Variants in SGMS1 observed in about 807,000 individuals in gnomAD.
SGMS1 encodes the protein phosphatidylcholine:ceramide cholinephosphotransferase 1.
SGMS1 carries 13 observed loss-of-function variants against 46.2 expected under a neutral mutation model. That is an observed-to-expected ratio of 0.28 (90% CI 0.18 to 0.45). The LOEUF (loss-of-function observed/expected upper bound fraction) is 0.45. SGMS1 is among the 20% of genes least tolerant of loss of function. The probability of loss-of-function intolerance (pLI) is 1.00; values close to 1 mark genes in which losing one functional copy is unlikely to be tolerated. For synonymous variants in SGMS1, 203 were observed against 187.8 expected (o/e 1.08, Z -0.66); for missense variants, 324 against 519.9 (o/e 0.62, Z 3.66).
intron 1 of SGMS1, among the ~76,000 whole-genome samples, chr10:50,610,691 T>C (rs1000291686): frequency 2.0e-5 from 3 of 152,158 alleles, no homozygotes; most frequent in Non-Finnish European, 4.4e-5. Flanking sequence ...AATGTTAAAT[T>C]ACCAACCTTG....
At chr10:50,315,802 T>C (rs1293780551) in intron 8 of SGMS1, among the ~76,000 whole-genome samples, 2 of 152,256 alleles carry the variant, frequency 1.3e-5, no homozygotes, top group Admixed American at 6.5e-5. Flanking sequence ...TACACCACTA[T>C]GTGCATTATG....
At chr10:50,561,225 G>C (rs1249856931) in intron 2 of SGMS1, among the ~76,000 whole-genome samples, 1 of 152,158 alleles carries the variant, frequency 6.6e-6, no homozygotes. Context: ...AATGTTTACC[G>C]TGTTTTGGGC....
chr10:50,381,337 C>T (rs1589416225), intron 6 of SGMS1, among the ~76,000 whole-genome samples: 1 of 151,282 alleles, frequency 6.6e-6, no homozygotes, highest in Non-Finnish European at 1.5e-5. Context: ...GAGGTGCAAG[C>T]AAAAGCACTG....
chr10:50,456,500 A>G (rs1837193011), intron 5 of SGMS1, among the ~76,000 whole-genome samples: 1 of 152,172 alleles, frequency 6.6e-6, no homozygotes, highest in Admixed American at 6.5e-5. Context: ...GCCTTTTCTG[A>G]GTAGAGTGCT....
chr10:50,424,929 AAAG>A (rs1849303096), intron 6 of SGMS1, among the ~76,000 whole-genome samples: 1 of 151,676 alleles, frequency 6.6e-6, no homozygotes, highest in South Asian at 2.1e-4. Flanking sequence ...AAAAAAAAAA[AAAG>A]GAGAAGACAT....
chr10:50,499,797 GTTAA>G (rs969268767), intron 3 of SGMS1, among the ~76,000 whole-genome samples: 4 of 152,310 alleles, frequency 2.6e-5, no homozygotes, highest in Admixed American at 1.3e-4. Flanking sequence ...CTCTTGATTA[GTTAA>G]TTAAAAAGTT....
chr10:50,571,643 A>T (rs2208037), intron 2 of SGMS1, among the ~76,000 whole-genome samples: 126,884 of 152,158 alleles, frequency 0.83, 53,037 homozygotes, highest in East Asian at 1. Flanking sequence ...GGCATGTACT[A>T]AAGCACTAGA....
At chr10:50,519,805 T>A (rs777343726) in intron 3 of SGMS1, 26 bp downstream of exon 3, 2 of 152,338 alleles carry the variant, frequency 1.3e-5, no homozygotes, top group Admixed American at 6.5e-5. Context: ...TCTTTGAGAA[T>A]GGGTGAAATG....
chr10:50,447,268 C>A (rs1463419067), intron 5 of SGMS1, among the ~76,000 whole-genome samples: 1 of 152,012 alleles, frequency 6.6e-6, no homozygotes, highest in African/African-American at 2.4e-5. Flanking sequence ...TACTATAATC[C>A]AGGTAAGATG....
chr10:50,472,329 A>C (rs946301336), intron 3 of SGMS1, among the ~76,000 whole-genome samples: 2 of 152,048 alleles, frequency 1.3e-5, no homozygotes, highest in African/African-American at 4.8e-5. Context: ...CCTCCAATTT[A>C]TCTCTCCATC....
intron 2 of SGMS1, among the ~76,000 whole-genome samples, chr10:50,533,209 T>G (rs1837970614): frequency 6.6e-6 from 1 of 152,206 alleles, no homozygotes; most frequent in African/African-American, 2.4e-5. Context: ...ACCGAAATCT[T>G]TGACAAAGAT....
intron 2 of SGMS1, among the ~76,000 whole-genome samples, chr10:50,565,454 T>C (rs1471299367): frequency 1.3e-5 from 2 of 152,122 alleles, no homozygotes; most frequent in African/African-American, 2.4e-5. Context: ...GGGGTGGAGA[T>C]TGGGAAAGCA....
chr10:50,351,970 A>C (rs1848026180), intron 6 of SGMS1, among the ~76,000 whole-genome samples: 1 of 152,206 alleles, frequency 6.6e-6, no homozygotes, highest in Non-Finnish European at 1.5e-5. Context: ...CTTCATAAAT[A>C]TATACTGAAG....
intron 2 of SGMS1, among the ~76,000 whole-genome samples, chr10:50,566,950 G>GT (rs1467942550): frequency 1.2e-4 from 18 of 151,648 alleles, no homozygotes; most frequent in African/African-American, 3.9e-4. Context: ...TGTTGTTGTC[G>GT]TTGTTGTTGT....
At chr10:50,477,025 T>C (rs1837433723) in intron 3 of SGMS1, among the ~76,000 whole-genome samples, 1 of 152,222 alleles carries the variant, frequency 6.6e-6, no homozygotes, top group South Asian at 2.1e-4. Flanking sequence ...TACTGCCTAG[T>C]GGAGCTGCAA....
chr10:50,582,433 G>C (rs924407822), intron 2 of SGMS1, among the ~76,000 whole-genome samples: 17 of 152,174 alleles, frequency 1.1e-4, no homozygotes. Flanking sequence ...GCTGGCGGTC[G>C]TGAGAGCAGC....
chr10:50,441,215 T>C (rs1467705679), intron 5 of SGMS1, among the ~76,000 whole-genome samples: 1 of 152,252 alleles, frequency 6.6e-6, no homozygotes, highest in Non-Finnish European at 1.5e-5. Context: ...AAGTTAATTA[T>C]GTGAATAGCG....
At chr10:50,571,571 A>G (rs977926123) in intron 2 of SGMS1, among the ~76,000 whole-genome samples, 3 of 152,342 alleles carry the variant, frequency 2.0e-5, no homozygotes, top group Non-Finnish European at 2.9e-5. Context: ...ACAGAATAAT[A>G]TAGTAATATA....
chr10:50,497,664 C>T (rs1445881653), intron 3 of SGMS1, among the ~76,000 whole-genome samples: 1 of 152,056 alleles, frequency 6.6e-6, no homozygotes, highest in African/African-American at 2.4e-5. Flanking sequence ...CGTGGTGGTG[C>T]ATGCCTGTAA....
Sources: allele counts gnomAD v4.1 joint callset (sites outside exome capture counted in the v4.1 genomes callset), GRCh38; gene constraint gnomAD v4.1.1; transcripts MANE v1.5; gene names NCBI Gene and HGNC (gene_info 2026-07-23, HGNC 2026-07-21).